Variants in EDDM13 observed in about 807,000 individuals in gnomAD.
EDDM13 encodes the protein epididymal protein 13.
EDDM13 carries 24 observed loss-of-function variants against 17.8 expected under a neutral mutation model. The observed-to-expected ratio is 1.35, with a 90% CI of 0.98 to 1.90. The LOEUF is 1.90. EDDM13 is among the 40% of genes most tolerant of loss of function. The probability of loss-of-function intolerance (pLI) is 0.00; values close to 1 mark genes in which losing one functional copy is unlikely to be tolerated. For synonymous variants in EDDM13, 31 were observed against 37.5 expected (o/e 0.83, Z 0.63); for missense variants, 97 against 100.8 (o/e 0.96, Z 0.16).
intron 12 of EDDM13, among the ~76,000 whole-genome samples, chr19:56,301,355 C>A (rs1325591373): frequency 6.6e-6 from 1 of 152,070 alleles, no homozygotes; most frequent in South Asian, 2.1e-4. Flanking sequence ...AGTAGGGGAA[C>A]TTCCTGAAGT....
rs2040438673 is a variant in EDDM13 at position 56,302,865 on chromosome 19, G to A, written c.423+770G>A. The A allele has an allele frequency of 3.0e-5, 12 of 398,596 alleles. No individual in the cohort carries two copies. The East Asian group carries it at 4.3e-4, about 14-fold the overall frequency. The allele number at this position is 398,596 out of a possible 1,614,324, so 24.7% of individuals were successfully genotyped here. On this transcript the variant is annotated intron_variant, in intron 13 of 14. Coordinates refer to ENST00000649256, the MANE Select transcript of EDDM13 (RefSeq NM_001354658.2). ...AGGGACGTTCATAAGGACCAAGCCT[G>A]TTGCTGGTTGCTGGGGACTCTGATG... is the stretch of plus-strand genomic sequence containing the variant.
chr19:56,279,896 T>A (rs2038556555), intron 2 of EDDM13, among the ~76,000 whole-genome samples: 1 of 152,152 alleles, frequency 6.6e-6, no homozygotes. Context: ...CAAAACAGTA[T>A]TTACATAAAC....
chr19:56,308,047 T>G (rs970931460), intron 14 of EDDM13, among the ~76,000 whole-genome samples: 37 of 152,344 alleles, frequency 2.4e-4, no homozygotes, highest in Middle Eastern at 3.4e-3. Flanking sequence ...TTAAACCTTT[T>G]TTTTTGAGAC....
intron 13 of EDDM13, chr19:56,302,898 T>A: frequency 2.5e-6 from 1 of 398,586 alleles, no homozygotes; most frequent in Non-Finnish European, 4.4e-6. Flanking sequence ...ATGGTTGAGC[T>A]ACCTTCAAGA....
intron 9 of EDDM13, among the ~76,000 whole-genome samples, chr19:56,291,386 T>G (rs938612244): frequency 3.3e-5 from 5 of 152,084 alleles, no homozygotes; most frequent in Non-Finnish European, 5.9e-5. Context: ...TCTAAAGGAG[T>G]AAAGTCTCAA....
chr19:56,285,409 C>A (rs942627537), intron 6 of EDDM13, among the ~76,000 whole-genome samples: 4 of 152,192 alleles, frequency 2.6e-5, no homozygotes, highest in African/African-American at 9.7e-5. Flanking sequence ...CATGTATGTA[C>A]ATCCTTAACT....
intron 1 of EDDM13, among the ~76,000 whole-genome samples, chr19:56,275,277 C>T (rs944369520): frequency 1.6e-4 from 25 of 152,172 alleles, no homozygotes; most frequent in South Asian, 6.2e-4. Flanking sequence ...GATCTTGCTG[C>T]AGAAATGATT....
intron 1 of EDDM13, among the ~76,000 whole-genome samples, chr19:56,273,206 G>A (rs911123114): frequency 2.0e-5 from 3 of 152,172 alleles, no homozygotes; most frequent in Admixed American, 6.5e-5. Context: ...TCTGACCAAC[G>A]GGGCTCACAA....
intron 6 of EDDM13, among the ~76,000 whole-genome samples, 156 bp from the exon 7 acceptor site, chr19:56,288,229 T>C (rs1228286771): frequency 1.3e-5 from 2 of 152,202 alleles, no homozygotes; most frequent in African/African-American, 4.8e-5. Context: ...CATGATCACC[T>C]ACCATCATGC....
intron 2 of EDDM13, among the ~76,000 whole-genome samples, chr19:56,279,079 A>C (rs1372553567): frequency 6.6e-6 from 1 of 152,226 alleles, no homozygotes; most frequent in African/African-American, 2.4e-5. Context: ...TTTCAGCAGA[A>C]GACGGATGGA....
rs530587928 is a variant in EDDM13 at position 56,276,589 on chromosome 19, T to C, written c.103+480T>C. Among the ~76,000 whole-genome samples, 200 of 150,300 alleles carry C rather than the reference T, an allele frequency of 1.3e-3. 1 individual carries two copies. The highest frequency in any genetic ancestry group is 4.5e-3 in the African/African-American group (185 of 41,040). Reference sequence around the variant, plus strand: ...CCTCGCTCTGTCGCCCAGGCTGGAGTGTAGTGGTGCGATCTGGGTTCACTG... The same window carrying C: ...CCTCGCTCTGTCGCCCAGGCTGGAGCGTAGTGGTGCGATCTGGGTTCACTG... On this transcript the variant is annotated intron_variant, in intron 2 of 14. Coordinates refer to ENST00000649256, the MANE Select transcript of EDDM13 (RefSeq NM_001354658.2).
At chr19:56,295,884 A>G in intron 9 of EDDM13, 75 bp from the exon 10 acceptor site, 1 of 153,442 alleles carries the variant, frequency 6.5e-6, no homozygotes, top group Non-Finnish European at 1.4e-5. Context: ...TGGGAACTCC[A>G]TACTCTGGGC....
chr19:56,275,661 T>A (rs1187451791), intron 1 of EDDM13, among the ~76,000 whole-genome samples: 2 of 152,236 alleles, frequency 1.3e-5, no homozygotes, highest in Non-Finnish European at 2.9e-5. Context: ...TTGAACAGGC[T>A]AAGCTTGAAG....
intron 1 of EDDM13, chr19:56,274,861 T>C (rs958316642): frequency 1.6e-4 from 25 of 152,236 alleles, no homozygotes; most frequent in African/African-American, 5.8e-4. Flanking sequence ...TTGTGATTTG[T>C]CCTTAGGATG....
chr19:56,304,691 G>A, intron 13 of EDDM13, 102 bp from the exon 14 acceptor site: 2 of 653,340 alleles, frequency 3.1e-6, no homozygotes, highest in Non-Finnish European at 3.8e-6. Flanking sequence ...GGACGGGAAA[G>A]AAGCGAGAGG....
At chr19:56,293,463 T>C (rs1389368688) in intron 9 of EDDM13, among the ~76,000 whole-genome samples, 1 of 152,206 alleles carries the variant, frequency 6.6e-6, no homozygotes, top group African/African-American at 2.4e-5. Flanking sequence ...TTGTATGTTG[T>C]ATATATTGTA....
At chr19:56,276,147 G>A (rs1203381863) in intron 2 of EDDM13, among the ~76,000 whole-genome samples, 38 bp downstream of exon 2, 6 of 152,190 alleles carry the variant, frequency 3.9e-5, no homozygotes, top group Non-Finnish European at 8.8e-5. Context: ...TATTTTCATA[G>A]CTACCTCTCC....
intron 13 of EDDM13, among the ~76,000 whole-genome samples, chr19:56,303,629 A>G (rs1174617798): frequency 1.3e-5 from 2 of 152,046 alleles, no homozygotes; most frequent in African/African-American, 4.8e-5. Flanking sequence ...TAGAGGACCC[A>G]TCCTAGATGC....
intron 14 of EDDM13, among the ~76,000 whole-genome samples, chr19:56,309,361 CCA>C (rs1485676212): frequency 6.6e-6 from 1 of 152,120 alleles, no homozygotes; most frequent in East Asian, 1.9e-4. Context: ...TGAAAATGTT[CCA>C]CTCTTAGAAG....
Sources: allele counts gnomAD v4.1 joint callset (sites outside exome capture counted in the v4.1 genomes callset), GRCh38; gene constraint gnomAD v4.1.1; transcripts MANE v1.5; gene names NCBI Gene and HGNC (gene_info 2026-07-23, HGNC 2026-07-21).